Variants in HPSE2 observed in about 807,000 individuals in gnomAD.
The protein encoded by HPSE2 is heparanase 2 (inactive).
A neutral mutation model predicts 60.5 loss-of-function variants in HPSE2; 38 were observed. The observed-to-expected ratio is 0.63, with a 90% confidence interval of 0.48 to 0.82. HPSE2 has a LOEUF of 0.82. Ranked by LOEUF, HPSE2 falls within the 40% of genes least tolerant of loss-of-function variation. HPSE2 has a pLI of 0.00. For synonymous variants in HPSE2, 295 were observed against 293.2 expected, an observed-to-expected ratio of 1.01 and a Z score of -0.06; for missense variants, 713 against 740.4, an observed-to-expected ratio of 0.96 and a Z score of 0.43.
chr10:98,706,203 T>A (rs1455649596), intron 5 of HPSE2, among the ~76,000 whole-genome samples: 3 of 152,212 alleles, frequency 2.0e-5, no homozygotes, highest in Non-Finnish European at 4.4e-5. Flanking sequence ...CAGTATCTTA[T>A]GCTGCCTCCA....
intron 3 of HPSE2, among the ~76,000 whole-genome samples, chr10:98,866,572 T>G (rs1952593051): frequency 1.3e-5 from 2 of 151,752 alleles, no homozygotes; most frequent in African/African-American, 2.4e-5. Context: ...ACTAAATTGC[T>G]CAAAACCAAT....
At chr10:99,104,833 G>A (rs1003939121) in intron 3 of HPSE2, among the ~76,000 whole-genome samples, 1 of 152,040 alleles carries the variant, frequency 6.6e-6, no homozygotes, top group Admixed American at 6.6e-5. Flanking sequence ...AACACCACAT[G>A]TTCTCACTCA....
At chr10:98,541,346 G>T (rs1943451095) in intron 9 of HPSE2, among the ~76,000 whole-genome samples, 1 of 152,182 alleles carries the variant, frequency 6.6e-6, no homozygotes, top group South Asian at 2.1e-4. Flanking sequence ...AGCCAAGATG[G>T]CTGAATAGGA....
At chr10:99,166,948 T>A (rs147064335) in intron 2 of HPSE2, among the ~76,000 whole-genome samples, 4 of 152,238 alleles carry the variant, frequency 2.6e-5, no homozygotes, top group Non-Finnish European at 5.9e-5. Context: ...AAGGCCAATT[T>A]ATCTATTTTT....
the HPSE2 span, among the ~76,000 whole-genome samples, chr10:99,271,591 A>G: frequency 6.6e-6 from 1 of 152,210 alleles, no homozygotes; most frequent in African/African-American, 2.4e-5. Flanking sequence ...TACAAATTCA[A>G]TGCAATTCCT....
At chr10:98,841,190 G>A (rs1417623959) in intron 3 of HPSE2, among the ~76,000 whole-genome samples, 3 of 151,616 alleles carry the variant, frequency 2.0e-5, no homozygotes, top group African/African-American at 4.9e-5. Flanking sequence ...CCCTGGAGGC[G>A]GAGGTTACAG....
chr10:98,727,414 G>T (rs1413357191), intron 4 of HPSE2, among the ~76,000 whole-genome samples: 1 of 152,166 alleles, frequency 6.6e-6, no homozygotes, highest in East Asian at 1.9e-4. Flanking sequence ...ACTTTGGGAG[G>T]CCAAGGCAGA....
intron 2 of HPSE2, among the ~76,000 whole-genome samples, chr10:99,208,855 A>C (rs1418735856): frequency 6.6e-6 from 1 of 152,228 alleles, no homozygotes; most frequent in East Asian, 1.9e-4. Context: ...GAAGAGGGGT[A>C]GCTATAACTT....
At chr10:98,750,158 G>A (rs935932319) in intron 3 of HPSE2, among the ~76,000 whole-genome samples, 1 of 151,966 alleles carries the variant, frequency 6.6e-6, no homozygotes, top group African/African-American at 2.4e-5. Context: ...AAGGGAGCAA[G>A]TCAAGTAGAT....
At chr10:98,667,645 T>C (rs1947400296) in intron 6 of HPSE2, among the ~76,000 whole-genome samples, 1 of 152,196 alleles carries the variant, frequency 6.6e-6, no homozygotes, top group Non-Finnish European at 1.5e-5. Context: ...ATAATTGTGA[T>C]TAACCACATA....
At chr10:98,945,733 T>C (rs1376221008) in intron 3 of HPSE2, among the ~76,000 whole-genome samples, 1 of 152,176 alleles carries the variant, frequency 6.6e-6, no homozygotes, top group Non-Finnish European at 1.5e-5. Context: ...TTCAAAGTTT[T>C]TCTTTAATTT....
chr10:98,497,049 T>C (rs1941865663), intron 9 of HPSE2, among the ~76,000 whole-genome samples: 3 of 152,040 alleles, frequency 2.0e-5, no homozygotes, highest in African/African-American at 7.2e-5. Context: ...TTTTAATTCA[T>C]TGAAAATGAT....
At chr10:98,919,273 G>C (rs933685215) in intron 3 of HPSE2, among the ~76,000 whole-genome samples, 2 of 152,154 alleles carry the variant, frequency 1.3e-5, no homozygotes, top group Admixed American at 1.3e-4. Flanking sequence ...CATAGCACTG[G>C]ACTAGAAAGC....
the HPSE2 span, among the ~76,000 whole-genome samples, chr10:99,246,617 C>T: frequency 4.6e-5 from 7 of 151,996 alleles, no homozygotes; most frequent in Non-Finnish European, 7.4e-5. Flanking sequence ...TGTGGTGGAG[C>T]GTACCTTTAG....
At chr10:98,913,147 A>C (rs528366523) in intron 3 of HPSE2, among the ~76,000 whole-genome samples, 25 of 152,226 alleles carry the variant, frequency 1.6e-4, no homozygotes, top group Non-Finnish European at 3.2e-4. Context: ...AATTTTCAAA[A>C]TAAATATATT....
At position 98,477,759 on chromosome 10, in the gene HPSE2, A is replaced by G. The variant is rs144353592; in HGVS notation, c.1613+4877T>C. Among the ~76,000 whole-genome samples, 826 of 152,232 alleles carry G rather than the reference A, an allele frequency of 5.4e-3. 8 individuals carry two copies. The highest frequency in any genetic ancestry group is 0.018 in the African/African-American group (742 of 41,542). ...TGATTCCCTAGAGCAGGGCTCCCTA[A>G]CCCCTGGGCCATGGACCAATCCTGT... is the stretch of plus-strand genomic sequence containing the variant. On this transcript the variant is annotated intron_variant, in intron 11 of 11. Coordinates refer to ENST00000370552, the MANE Select transcript of HPSE2 (RefSeq NM_021828.5).
intron 5 of HPSE2, among the ~76,000 whole-genome samples, chr10:98,708,333 G>A (rs765992753): frequency 2.8e-4 from 42 of 151,828 alleles, no homozygotes; most frequent in Non-Finnish European, 3.7e-4. Flanking sequence ...GTGGGCACCC[G>A]TAGTCCCAGC....
intron 3 of HPSE2, among the ~76,000 whole-genome samples, chr10:98,959,358 G>GAA (rs540992148): frequency 1.7e-4 from 13 of 77,420 alleles, no homozygotes; most frequent in East Asian, 4.2e-4. Context: ...ACTATCTCTG[G>GAA]AAAAAAAAAA....
At chr10:98,734,910 CAA>C (rs1491579053) in intron 4 of HPSE2, among the ~76,000 whole-genome samples, 2,556 of 113,914 alleles carry the variant, frequency 0.022, 93 homozygotes, top group African/African-American at 0.066. Context: ...CACACACACA[CAA>C]ACACACACAA....
Sources: allele counts gnomAD v4.1 joint callset (sites outside exome capture counted in the v4.1 genomes callset), GRCh38; gene constraint gnomAD v4.1.1; transcripts MANE v1.5; gene names NCBI Gene and HGNC (gene_info 2026-07-23, HGNC 2026-07-21).